Variants in GALNT17 observed in about 807,000 individuals in gnomAD.
GALNT17 encodes the protein UDP-GalNAc:polypeptide N-acetylgalactosaminyltransferase-like 3.
GALNT17 carries 29 observed loss-of-function variants against 63.7 expected under a neutral mutation model. The observed-to-expected ratio is 0.46, with a 90% confidence interval of 0.34 to 0.62. The LOEUF is 0.62. Among genes scored for constraint, GALNT17 ranks in the 20% least tolerant of loss-of-function variants. GALNT17 has a pLI of 0.01. For missense variants in GALNT17, 603 were observed against 799.6 expected, an observed-to-expected ratio of 0.75 and a Z score of 2.97; for synonymous variants, 305 against 318.3, an observed-to-expected ratio of 0.96 and a Z score of 0.45.
At chr7:71,158,554 C>A (rs1267347630) in intron 1 of GALNT17, among the ~76,000 whole-genome samples, 1 of 151,396 alleles carries the variant, frequency 6.6e-6, no homozygotes, top group Non-Finnish European at 1.5e-5. Context: ...GCCACCACGC[C>A]TGGCTAATTT....
rs374621390 is a variant in GALNT17, at chr7:71,142,295, C to G, written c.238+9255C>G. Among the ~76,000 whole-genome samples, 10 of 152,262 alleles carry G rather than the reference C, an allele frequency of 6.6e-5. No individual in the cohort carries two copies. In the East Asian group the frequency reaches 9.7e-4, roughly 15 times the overall value. ...AGGGGGTCCTTTTCCTTATAACTTT[C>G]TTGGACTCTTCAGACTACTTTTGGA... is the stretch of plus-strand genomic sequence containing the variant. On this transcript the variant is annotated intron_variant, in intron 1 of 10. Coordinates refer to ENST00000333538, the MANE Select transcript of GALNT17 (RefSeq NM_022479.3).
At chr7:71,365,628 A>G (rs1163436024) in intron 2 of GALNT17, among the ~76,000 whole-genome samples, 2 of 152,198 alleles carry the variant, frequency 1.3e-5, no homozygotes, top group African/African-American at 4.8e-5. Context: ...GATGTCTCCT[A>G]TGATTTCCTG....
At chr7:71,684,384 T>C (rs1296760156) in intron 9 of GALNT17, among the ~76,000 whole-genome samples, 1 of 152,158 alleles carries the variant, frequency 6.6e-6, no homozygotes, top group African/African-American at 2.4e-5. Context: ...GTGGCATCTT[T>C]CTCAGCCCTG....
intron 1 of GALNT17, among the ~76,000 whole-genome samples, chr7:71,266,296 C>T (rs530805713): frequency 1.3e-5 from 2 of 152,248 alleles, no homozygotes; most frequent in African/African-American, 4.8e-5. Flanking sequence ...ATTGTAATCC[C>T]TATGTGTCGG....
chr7:71,596,264 TC>T (rs1789884921), intron 6 of GALNT17, among the ~76,000 whole-genome samples: 3 of 152,104 alleles, frequency 2.0e-5, no homozygotes, highest in Non-Finnish European at 4.4e-5. Flanking sequence ...GGTCTCAAAC[TC>T]CTGACCTCGT....
intron 1 of GALNT17, among the ~76,000 whole-genome samples, chr7:71,277,196 G>A (rs1790697477): frequency 6.6e-6 from 1 of 152,094 alleles, no homozygotes; most frequent in African/African-American, 2.4e-5. Context: ...AGCCACATGG[G>A]TAGAGCTGGA....
chr7:71,566,121 C>T (rs892111602), intron 5 of GALNT17, among the ~76,000 whole-genome samples: 4 of 152,000 alleles, frequency 2.6e-5, no homozygotes, highest in African/African-American at 7.3e-5. Context: ...GTGATCTGCC[C>T]ACCTTGGCCT....
intron 1 of GALNT17, among the ~76,000 whole-genome samples, chr7:71,151,720 A>G (rs1291337408): frequency 6.6e-6 from 1 of 152,092 alleles, no homozygotes; most frequent in African/African-American, 2.4e-5. Context: ...ATCATCCCCT[A>G]CTTAACGCTG....
chr7:71,236,086 C>T (rs932635029), intron 1 of GALNT17, among the ~76,000 whole-genome samples: 4 of 151,928 alleles, frequency 2.6e-5, no homozygotes, highest in Non-Finnish European at 4.4e-5. Flanking sequence ...GAGGCTAAAG[C>T]AGGAGAATTG....
intron 2 of GALNT17, among the ~76,000 whole-genome samples, chr7:71,371,373 T>G (rs1420721391): frequency 6.6e-6 from 1 of 152,234 alleles, no homozygotes; most frequent in Non-Finnish European, 1.5e-5. Flanking sequence ...ATTTCATTGT[T>G]TTTTACTTTG....
chr7:71,270,251 C>G (rs1790560925), intron 1 of GALNT17, among the ~76,000 whole-genome samples: 1 of 152,090 alleles, frequency 6.6e-6, no homozygotes, highest in South Asian at 2.1e-4. Flanking sequence ...GTATCTCACT[C>G]TCCCCCCTTG....
intron 5 of GALNT17, among the ~76,000 whole-genome samples, chr7:71,434,870 T>C (rs1351998279): frequency 6.6e-6 from 1 of 152,148 alleles, no homozygotes; most frequent in Non-Finnish European, 1.5e-5. Context: ...AAGCAAGACA[T>C]GGAGAGATAG....
intron 2 of GALNT17, among the ~76,000 whole-genome samples, chr7:71,351,988 C>T (rs920644704): frequency 2.6e-5 from 4 of 152,024 alleles, no homozygotes; most frequent in East Asian, 1.9e-4. Context: ...ATAGTGATTC[C>T]GACTAGGGTG....
At chr7:71,601,022 C>T (rs1291551512) in intron 6 of GALNT17, among the ~76,000 whole-genome samples, 3 of 152,134 alleles carry the variant, frequency 2.0e-5, no homozygotes, top group Middle Eastern at 3.4e-3. Context: ...TTTGGTTTTC[C>T]GTTCGTGAGT....
intron 5 of GALNT17, among the ~76,000 whole-genome samples, chr7:71,440,667 C>T (rs747493838): frequency 1.3e-4 from 20 of 152,204 alleles, no homozygotes; most frequent in Non-Finnish European, 2.8e-4. Context: ...AGCCACCGCG[C>T]CTGGCCAGTT....
At chr7:71,586,309 G>A (rs1789716212) in intron 6 of GALNT17, among the ~76,000 whole-genome samples, 2 of 152,276 alleles carry the variant, frequency 1.3e-5, no homozygotes, top group South Asian at 4.1e-4. Context: ...TCAACTAAAG[G>A]AATGTTTGTG....
intron 1 of GALNT17, among the ~76,000 whole-genome samples, chr7:71,216,842 T>A (rs1789492023): frequency 1.3e-5 from 2 of 152,226 alleles, no homozygotes; most frequent in South Asian, 4.1e-4. Flanking sequence ...GTTATATAAC[T>A]ACTTTATGTC....
At chr7:71,159,274 GT>G (rs1403365664) in intron 1 of GALNT17, among the ~76,000 whole-genome samples, 1 of 151,564 alleles carries the variant, frequency 6.6e-6, no homozygotes, top group Admixed American at 6.6e-5. Context: ...GTGATGTGTC[GT>G]TTCGCAGTTC....
At chr7:71,563,969 C>A (rs1418346487) in intron 5 of GALNT17, among the ~76,000 whole-genome samples, 1 of 152,164 alleles carries the variant, frequency 6.6e-6, no homozygotes, top group Non-Finnish European at 1.5e-5. Context: ...AAGCGATCCT[C>A]CTGTCTCGGC....
Sources: allele counts gnomAD v4.1 joint callset (sites outside exome capture counted in the v4.1 genomes callset), GRCh38; gene constraint gnomAD v4.1.1; transcripts MANE v1.5; gene names NCBI Gene and HGNC (gene_info 2026-07-23, HGNC 2026-07-21).